MSRA: variants seen among roughly 807,000 people sequenced by gnomAD.
MSRA encodes the protein mitochondrial peptide methionine sulfoxide reductase.
A neutral mutation model predicts 31.3 loss-of-function variants in MSRA; 54 were observed. The observed-to-expected ratio is 1.73, with a 90% CI of 1.39 to 2.17. MSRA has a LOEUF of 2.17. Ranked by LOEUF, MSRA falls within the 30% of genes most tolerant of loss-of-function variation. MSRA has a pLI of 0.00. For missense variants in MSRA, 507 were observed against 300.9 expected (o/e 1.69, Z -5.07); for synonymous variants, 169 against 116.5 (o/e 1.45, Z -2.90).
At chr8:10,080,709 T>A (rs1798247967) in intron 1 of MSRA, among the ~76,000 whole-genome samples, 2 of 151,394 alleles carry the variant, frequency 1.3e-5, no homozygotes, top group East Asian at 3.9e-4. Context: ...TTTTTTTTTT[T>A]TTAATTTCTA....
intron 1 of MSRA, among the ~76,000 whole-genome samples, chr8:10,169,402 G>A (rs950346880): frequency 3.9e-5 from 6 of 152,184 alleles, no homozygotes; most frequent in African/African-American, 1.4e-4. Context: ...GTGTGTTACT[G>A]CCACTTTCAT....
At chr8:10,426,961 G>A (rs1360639186) in intron 5 of MSRA, among the ~76,000 whole-genome samples, 5 of 26,342 alleles carry the variant, frequency 1.9e-4, no homozygotes, top group Admixed American at 7.4e-4. Flanking sequence ...GCCCCTTGTC[G>A]TTCCGGACCT....
intron 1 of MSRA, among the ~76,000 whole-genome samples, chr8:10,118,619 G>C (rs551411327): frequency 6.6e-4 from 101 of 152,134 alleles, no homozygotes; most frequent in Admixed American, 1.1e-3. Flanking sequence ...CCCACACCCT[G>C]GGCTCCAGCA....
chr8:10,327,434 C>T (rs1322265136), intron 5 of MSRA, among the ~76,000 whole-genome samples: 1 of 152,112 alleles, frequency 6.6e-6, no homozygotes, highest in Non-Finnish European at 1.5e-5. Context: ...GGTAAAAAAA[C>T]AGTATGCATG....
At chr8:10,108,193 G>A (rs1048947804) in intron 1 of MSRA, among the ~76,000 whole-genome samples, 4 of 152,146 alleles carry the variant, frequency 2.6e-5, no homozygotes, top group Admixed American at 6.5e-5. Context: ...AATCTCTGAC[G>A]TTTGTTCTTA....
At chr8:10,294,887 T>G (rs891446632) in intron 3 of MSRA, among the ~76,000 whole-genome samples, 2 of 152,034 alleles carry the variant, frequency 1.3e-5, no homozygotes, top group African/African-American at 4.8e-5. Flanking sequence ...GGCGGGGGCT[T>G]TGTGCACAGG....
At chr8:10,346,330 C>T (rs951538770) in intron 5 of MSRA, among the ~76,000 whole-genome samples, 1 of 152,170 alleles carries the variant, frequency 6.6e-6, no homozygotes, top group African/African-American at 2.4e-5. Flanking sequence ...ATTTCATAGC[C>T]CTGCTCATGG....
rs528753270 is a variant in MSRA, at chr8:10,155,002, T to TTATATATATATATATATATATATATATA, written c.143-52819_143-52818insTATATATATATATATATATATATATATA. On this transcript the variant is annotated intron_variant, in intron 1 of 5. Transcript: ENST00000317173. ...AATAGTTTGATAATGTGTATATATT[T>TTATATATATATATATATATATATATATA]TATATATATATAGGTTTTACCTTGC... Among the ~76,000 whole-genome samples the TTATATATATATATATATATATATATATA allele has an allele frequency of 1.2e-3, 143 of 123,934 alleles. 4 individuals are homozygous for TTATATATATATATATATATATATATATA. The highest frequency in any genetic ancestry group is 2.8e-3 in the African/African-American group (86 of 30,932). The allele number at this position is 123,934 out of a possible 152,430, so 81.3% of individuals were successfully genotyped here.
intron 1 of MSRA, among the ~76,000 whole-genome samples, chr8:10,069,285 C>G (rs370752750): frequency 6.6e-6 from 1 of 152,172 alleles, no homozygotes; most frequent in African/African-American, 2.4e-5. Flanking sequence ...GCTAGGACTT[C>G]TAGTATGATG....
intron 1 of MSRA, among the ~76,000 whole-genome samples, chr8:10,077,906 A>G (rs888145020): frequency 1.3e-5 from 2 of 152,142 alleles, no homozygotes; most frequent in Admixed American, 1.3e-4. Context: ...TACAGTATTT[A>G]TATATGTCAA....
chr8:10,246,742 C>G (rs376141722), intron 3 of MSRA, among the ~76,000 whole-genome samples: 42 of 152,276 alleles, frequency 2.8e-4, no homozygotes, highest in African/African-American at 9.6e-4. Context: ...CTTATTTTTT[C>G]TTGCTCTAGA....
intron 1 of MSRA, among the ~76,000 whole-genome samples, chr8:10,103,807 T>C (rs1041414118): frequency 1.3e-5 from 2 of 151,900 alleles, no homozygotes; most frequent in Non-Finnish European, 1.5e-5. Flanking sequence ...ATACCCATTA[T>C]TCAGAAGTGA....
intron 3 of MSRA, among the ~76,000 whole-genome samples, chr8:10,254,130 G>A (rs182263397): frequency 2.0e-5 from 3 of 152,014 alleles, no homozygotes; most frequent in East Asian, 1.9e-4. Context: ...CCTCTGAGGC[G>A]TGGAATTGTG....
chr8:10,058,620 C>G (rs1585059440), intron 1 of MSRA, among the ~76,000 whole-genome samples: 1 of 152,176 alleles, frequency 6.6e-6, no homozygotes, highest in South Asian at 2.1e-4. Context: ...GAATAAATGG[C>G]TATTTCCTTG....
At chr8:10,287,571 C>T (rs1800002168) in intron 3 of MSRA, among the ~76,000 whole-genome samples, 1 of 152,180 alleles carries the variant, frequency 6.6e-6, no homozygotes, top group Non-Finnish European at 1.5e-5. Context: ...GTGTTTGTTA[C>T]TGAGAGAACC....
intron 1 of MSRA, among the ~76,000 whole-genome samples, chr8:10,130,875 T>G (rs148028036): frequency 1.6e-4 from 25 of 152,320 alleles, no homozygotes; most frequent in African/African-American, 4.3e-4. Flanking sequence ...CTCCGAGGAA[T>G]AGCCTTCTCA....
chr8:10,197,560 T>TGTTC (rs1808101108), intron 1 of MSRA, among the ~76,000 whole-genome samples: 1 of 152,128 alleles, frequency 6.6e-6, no homozygotes, highest in Non-Finnish European at 1.5e-5. Context: ...TCACCACCAG[T>TGTTC]AAGCACTGTG....
At chr8:10,214,813 T>C (rs763070898) in intron 2 of MSRA, among the ~76,000 whole-genome samples, 3 of 152,218 alleles carry the variant, frequency 2.0e-5, no homozygotes, top group Non-Finnish European at 4.4e-5. Flanking sequence ...ATTGGAGACA[T>C]AGTTTAAGAT....
chr8:10,066,674 C>T (rs1563391195), intron 1 of MSRA, among the ~76,000 whole-genome samples: 1 of 152,118 alleles, frequency 6.6e-6, no homozygotes, highest in Non-Finnish European at 1.5e-5. Flanking sequence ...GATGGGATTA[C>T]AGGCATCCGT....
Sources: allele counts gnomAD v4.1 joint callset (sites outside exome capture counted in the v4.1 genomes callset), GRCh38; gene constraint gnomAD v4.1.1; transcripts MANE v1.5; gene names NCBI Gene and HGNC (gene_info 2026-07-23, HGNC 2026-07-21).